The following ANGPT1 variants were observed in gnomAD, a reference collection of about 807,000 sequenced individuals.
ANGPT1 encodes angiopoietin 1.
In ANGPT1, 17 loss-of-function variants were observed where a neutral mutation model predicts 62.2. The ratio of observed to expected loss-of-function variants is 0.27; its 90% confidence interval spans 0.19 to 0.41. ANGPT1 has a LOEUF of 0.41. ANGPT1 is among the 10% of genes least tolerant of loss of function. The pLI is 1.00. For missense variants in ANGPT1, 478 were observed against 594.9 expected (o/e 0.80, Z 2.04); for synonymous variants, 199 against 198.9 (o/e 1.00, Z 0.00).
At chr8:107,319,940 C>T (rs1815111621) in intron 4 of ANGPT1, among the ~76,000 whole-genome samples, 1 of 151,974 alleles carries the variant, frequency 6.6e-6, no homozygotes, top group African/African-American at 2.4e-5. Context: ...TAGGCAATCA[C>T]CTTAAATTAA....
At chr8:107,490,118 C>T (rs1371346606) in intron 1 of ANGPT1, among the ~76,000 whole-genome samples, 1 of 152,170 alleles carries the variant, frequency 6.6e-6, no homozygotes, top group Non-Finnish European at 1.5e-5. Context: ...CGCTCCTCCC[C>T]TCTCATCATC....
At chr8:107,478,166 G>T (rs552493934) in intron 1 of ANGPT1, among the ~76,000 whole-genome samples, 1 of 150,402 alleles carries the variant, frequency 6.6e-6, no homozygotes, top group East Asian at 1.9e-4. Flanking sequence ...TTTTAATATG[G>T]TCAAAATTTC....
chr8:107,337,169 A>C (rs2130124147), intron 2 of ANGPT1, among the ~76,000 whole-genome samples: 1 of 152,346 alleles, frequency 6.6e-6, no homozygotes, highest in East Asian at 1.9e-4. Flanking sequence ...CACAGGAACC[A>C]AGGGAAGAGT....
At chr8:107,377,595 GA>G (rs1255413744) in intron 1 of ANGPT1, among the ~76,000 whole-genome samples, 3 of 152,188 alleles carry the variant, frequency 2.0e-5, no homozygotes, top group Non-Finnish European at 4.4e-5. Context: ...AAGAAGAGAG[GA>G]AGATACAAGG....
chr8:107,423,965 C>T (rs1197171774), intron 1 of ANGPT1, among the ~76,000 whole-genome samples: 3 of 149,826 alleles, frequency 2.0e-5, no homozygotes, highest in East Asian at 2.0e-4. Flanking sequence ...CTCAGCCTCC[C>T]GAGTAGCTAG....
Position 107,294,010 on chromosome 8 carries a change from C to G in ANGPT1, c.964G>C (p.Gly322Arg), listed in dbSNP as rs1488379801. ...CGATGTTGTATTACAGTCCAACCTC[C>G]CCCATTGACATCCATATTGCAAAAC... Reference protein sequence around the residue: ...KVFCNMDVNGGGWTVIQHRED... With the variant: ...KVFCNMDVNGRGWTVIQHRED... Residue 322 changes from glycine (G) to arginine (R), a missense_variant, in exon 6 of 9, where the codon GGA (glycine) becomes CGA (arginine). By Grantham distance (125) the Gly-to-Arg change is moderately radical (BLOSUM62 -2). This residue lies in a region of ANGPT1 where 81 missense variants were observed against 117.1 expected (regional missense o/e 0.69). Transcript: ENST00000517746. The G allele has an allele frequency of 6.2e-7, 1 of 1,613,254 alleles. No homozygotes were observed. Among genetic ancestry groups the G allele is most frequent in the East Asian group, 2.2e-5 (1 of 44,788 alleles).
At chr8:107,324,565 A>C (rs2130075288) in intron 3 of ANGPT1, among the ~76,000 whole-genome samples, 1 of 152,252 alleles carries the variant, frequency 6.6e-6, no homozygotes, top group East Asian at 1.9e-4. Flanking sequence ...TTCAGCCTCC[A>C]GAATATTCAG....
At chr8:107,255,314 G>C (rs1813332588) in intron 8 of ANGPT1, among the ~76,000 whole-genome samples, 1 of 152,162 alleles carries the variant, frequency 6.6e-6, no homozygotes, top group African/African-American at 2.4e-5. Flanking sequence ...TGGAAGACCA[G>C]GGGAGAGTGT....
chr8:107,454,665 A>C (rs1298915675), intron 1 of ANGPT1, among the ~76,000 whole-genome samples: 1 of 152,072 alleles, frequency 6.6e-6, no homozygotes, highest in Non-Finnish European at 1.5e-5. Flanking sequence ...GCAAACCCTA[A>C]GTATTCATAA....
At chr8:107,361,250 G>A (rs905065415) in intron 1 of ANGPT1, among the ~76,000 whole-genome samples, 1 of 151,468 alleles carries the variant, frequency 6.6e-6, no homozygotes, top group Non-Finnish European at 1.5e-5. Flanking sequence ...ATTCAAACAA[G>A]CCATTTTTCT....
rs545695113 is a variant in ANGPT1, at chr8:107,455,425, T to G, written c.297+41837A>C. 9.9e-5 allele frequency among the ~76,000 whole-genome samples: 15 copies of G among 152,204 alleles called. 1 individual carries two copies. In the South Asian group the frequency reaches 3.1e-3, roughly 32 times the overall value. On this transcript the variant is annotated intron_variant, in intron 1 of 8. Transcript: ENST00000517746. The stretch of plus-strand genomic sequence containing the variant: ...TAAACTTTTCATTGAATTCTCTGCT[T>G]ACATTTCCAGCAAATGTATCCTGTT...
chr8:107,442,710 A>C (rs916899504), intron 1 of ANGPT1, among the ~76,000 whole-genome samples: 1 of 152,194 alleles, frequency 6.6e-6, no homozygotes, highest in Non-Finnish European at 1.5e-5. Context: ...TATTGCTTTG[A>C]AAGTGGCAAT....
chr8:107,462,736 A>G (rs1325565726), intron 1 of ANGPT1, among the ~76,000 whole-genome samples: 1 of 152,072 alleles, frequency 6.6e-6, no homozygotes, highest in Non-Finnish European at 1.5e-5. Flanking sequence ...TTTAAAAGAG[A>G]TTTTACTTTT....
intron 1 of ANGPT1, among the ~76,000 whole-genome samples, chr8:107,404,847 A>C (rs543258318): frequency 6.6e-6 from 1 of 152,242 alleles, no homozygotes; most frequent in African/African-American, 2.4e-5. Flanking sequence ...TTCTATCTTC[A>C]GCAGCACAGA....
intron 1 of ANGPT1, among the ~76,000 whole-genome samples, chr8:107,375,271 T>C (rs1816507366): frequency 6.6e-6 from 1 of 152,196 alleles, no homozygotes; most frequent in Non-Finnish European, 1.5e-5. Flanking sequence ...AATAAGGTTG[T>C]TGAAAACCCT....
At chr8:107,377,985 G>A (rs1050192417) in intron 1 of ANGPT1, among the ~76,000 whole-genome samples, 3 of 152,076 alleles carry the variant, frequency 2.0e-5, no homozygotes, top group Non-Finnish European at 4.4e-5. Flanking sequence ...TGCAGCTTAA[G>A]ATATCCAAAT....
chr8:107,440,338 C>T (rs1439389700), intron 1 of ANGPT1, among the ~76,000 whole-genome samples: 2 of 152,158 alleles, frequency 1.3e-5, no homozygotes, highest in East Asian at 3.9e-4. Context: ...AAATTTTACA[C>T]ACTTACTCAT....
intron 1 of ANGPT1, among the ~76,000 whole-genome samples, chr8:107,478,605 G>A (rs1406506081): frequency 2.0e-5 from 3 of 152,042 alleles, no homozygotes; most frequent in African/African-American, 7.2e-5. Flanking sequence ...TGCTTATATT[G>A]TACAATACAC....
intron 1 of ANGPT1, among the ~76,000 whole-genome samples, chr8:107,489,514 G>A (rs1157096204): frequency 6.6e-6 from 1 of 152,092 alleles, no homozygotes; most frequent in African/African-American, 2.4e-5. Flanking sequence ...TACTTTCTCT[G>A]TTCAAAATCA....
Sources: allele counts gnomAD v4.1 joint callset (sites outside exome capture counted in the v4.1 genomes callset), GRCh38; gene constraint gnomAD v4.1.1; regional missense constraint gnomAD v4.1.1; transcripts MANE v1.5; gene names NCBI Gene and HGNC (gene_info 2026-07-23, HGNC 2026-07-21).